The following TMOD2 variants were observed in gnomAD, a reference collection of about 807,000 sequenced individuals.
The protein encoded by TMOD2 is tropomodulin-2.
A neutral mutation model predicts 39.9 loss-of-function variants in TMOD2; 22 were observed. That is an observed-to-expected ratio of 0.55 (90% CI 0.39 to 0.79). The LOEUF (loss-of-function observed/expected upper bound fraction) is 0.79, where lower values mean the gene tolerates loss of function less well. Among genes scored for constraint, TMOD2 ranks in the 30% least tolerant of loss-of-function variants. The probability of loss-of-function intolerance (pLI) is 0.00; values close to 1 mark genes in which losing one functional copy is unlikely to be tolerated. For synonymous variants in TMOD2, 123 were observed against 146.1 expected, an observed-to-expected ratio of 0.84 and a Z score of 1.14; for missense variants, 386 against 413.3, an observed-to-expected ratio of 0.93 and a Z score of 0.57.
rs79020249 is a variant in TMOD2 at position 51,764,343 on chromosome 15, A to G, written c.-69-2030A>G. Among the ~76,000 whole-genome samples the G allele has an allele frequency of 9.5e-3, 1,454 of 152,280 alleles. 21 individuals carry two copies. Among genetic ancestry groups the G allele is most frequent in the African/African-American group, 0.034 (1,401 of 41,532 alleles). ...AAATTAATAAATAAGAAGCTGAGCT[A>G]ATGGAAAAGAGCGTTGCATTGCATG... On this transcript the variant is annotated intron_variant, in intron 1 of 9. Transcript: ENST00000249700.
At chr15:51,788,008 C>T (rs758721786) in intron 7 of TMOD2, among the ~76,000 whole-genome samples, 27 of 152,126 alleles carry the variant, frequency 1.8e-4, no homozygotes, top group Non-Finnish European at 3.2e-4. Context: ...ATGAGTTTGA[C>T]GAGTTGACAG....
intron 5 of TMOD2, among the ~76,000 whole-genome samples, chr15:51,777,424 GA>G (rs2055897060): frequency 6.6e-6 from 1 of 152,028 alleles, no homozygotes; most frequent in East Asian, 1.9e-4. Context: ...TTCTCTATTT[GA>G]GTGTCTTTTT....
chr15:51,801,281 A>ACC, intron 8 of TMOD2, among the ~76,000 whole-genome samples: 1 of 136,008 alleles, frequency 7.4e-6, no homozygotes, highest in East Asian at 2.1e-4. Context: ...ACACACACAC[A>ACC]CACCCTGTCT....
chr15:51,764,438 A>G (rs2141615861), intron 1 of TMOD2, among the ~76,000 whole-genome samples: 1 of 152,336 alleles, frequency 6.6e-6, no homozygotes, highest in African/African-American at 2.4e-5. Flanking sequence ...AAGGAAAGGG[A>G]ACACTATTCC....
intron 7 of TMOD2, among the ~76,000 whole-genome samples, chr15:51,796,075 A>G (rs2056049670): frequency 7.7e-6 from 1 of 130,068 alleles, no homozygotes; most frequent in African/African-American, 2.9e-5. Context: ...ATGTCTGGCA[A>G]TTATTGGTTC....
intron 1 of TMOD2, among the ~76,000 whole-genome samples, chr15:51,765,564 A>T (rs12917133): frequency 6.6e-6 from 1 of 151,954 alleles, no homozygotes; most frequent in South Asian, 2.1e-4. Context: ...TTCCTGAATG[A>T]GTATTATCTT....
chr15:51,806,819 C>G (rs1328915470), intron 9 of TMOD2, among the ~76,000 whole-genome samples: 1 of 152,176 alleles, frequency 6.6e-6, no homozygotes, highest in Non-Finnish European at 1.5e-5. Flanking sequence ...TAATCTCCTT[C>G]TGTTTTTATC....
chr15:51,781,464 A>G lies in TMOD2; in HGVS notation c.624+290A>G, dbSNP rs548580066. On this transcript the variant is annotated intron_variant, in intron 6 of 9. Transcript: ENST00000249700. ...TCAAACAACAGACATTTATTATTTC[A>G]CACACAATTTTTCAGTGTCAGGAAT... Among the ~76,000 whole-genome samples the G allele has an allele frequency of 1.1e-4, 16 of 152,342 alleles. 1 individual carries two copies. In the East Asian group the frequency reaches 3.1e-3, roughly 29 times the overall value.
At chr15:51,790,326 TAGACCAATAAC>T in intron 7 of TMOD2, among the ~76,000 whole-genome samples, 2 of 152,300 alleles carry the variant, frequency 1.3e-5, no homozygotes, top group South Asian at 4.1e-4. Context: ...AATCTCTGAA[TAGACCAATAAC>T]AGGTCCTGAA....
In TMOD2 at chr15:51,780,016, T is replaced by C. The variant is rs149665547; in HGVS notation, c.494-1028T>C. On this transcript the variant is annotated intron_variant, in intron 5 of 9. Transcript: ENST00000249700. ...ATTCTTTTAACGAATAGACAATAAG[T>C]TGTTACGTGATGATGCTATACTTTA... Among the ~76,000 whole-genome samples the C allele has an allele frequency of 2.0e-5, 3 of 152,314 alleles. No homozygotes were observed. The East Asian group carries it at 5.8e-4, about 29-fold the overall frequency.
intron 7 of TMOD2, chr15:51,784,799 T>A (rs1479007151): frequency 6.6e-6 from 1 of 152,246 alleles, no homozygotes; most frequent in Non-Finnish European, 1.5e-5. Flanking sequence ...ATACTTTGTA[T>A]GTAAATGAAT....
chr15:51,752,073 C>A (rs2055708638), intron 1 of TMOD2, among the ~76,000 whole-genome samples: 1 of 151,984 alleles, frequency 6.6e-6, no homozygotes, highest in Admixed American at 6.5e-5. Flanking sequence ...GGCTTTGTTC[C>A]CCCACTTTTC....
At chr15:51,803,230 G>T (rs531712986) in intron 8 of TMOD2, among the ~76,000 whole-genome samples, 29 of 148,032 alleles carry the variant, frequency 2.0e-4, no homozygotes, top group Admixed American at 4.8e-4. Flanking sequence ...ACCCAGGCTG[G>T]AGTGCAGTGG....
Position 51,803,449 on chromosome 15 carries a change from G to A in TMOD2, c.877-2928G>A, listed in dbSNP as rs112101831. On this transcript the variant is annotated intron_variant, in intron 8 of 9. Transcript: ENST00000249700. ...GCCTGCCTCTGCCTCCCAAAGTGCT[G>A]GGATTATAGGTGTGAGCCACCATGC... 1.4e-3 allele frequency among the ~76,000 whole-genome samples: 217 copies of A among 152,138 alleles called. 1 individual carries two copies. The highest frequency in any genetic ancestry group is 5.0e-3 in the African/African-American group (208 of 41,524).
chr15:51,753,711 AT>A (rs2055722949), intron 1 of TMOD2, among the ~76,000 whole-genome samples: 1 of 151,422 alleles, frequency 6.6e-6, no homozygotes, highest in African/African-American at 2.4e-5. Flanking sequence ...GGAGATGTGG[AT>A]ATTGGAGGTG....
At position 51,775,382 on chromosome 15, in the gene TMOD2, C is replaced by G. The variant is rs548752789; in HGVS notation, c.406+1548C>G. 2.6e-5 allele frequency among the ~76,000 whole-genome samples: 4 copies of G among 152,076 alleles called. No homozygotes were observed. In the South Asian group the frequency reaches 6.2e-4, roughly 24 times the overall value. On this transcript the variant is annotated intron_variant, in intron 4 of 9. Coordinates refer to ENST00000249700, the MANE Select transcript of TMOD2 (RefSeq NM_014548.4). ...AAGTGGTGGGAACTGATCCATTAGC[C>G]CATTTCACAGATAACAGATAAAAAT...
rs1029315862 is a variant in TMOD2, at chr15:51,761,967, G to A, written c.-69-4406G>A. On this transcript the variant is annotated intron_variant, in intron 1 of 9. Transcript: ENST00000249700. ...TCGAGACCATCCTGGCTAACACTGT[G>A]AAACCCTGTCTCTACTAAAAATACA... Among the ~76,000 whole-genome samples, 8 of 151,898 alleles carry A rather than the reference G, an allele frequency of 5.3e-5. No homozygotes were observed. In the East Asian group the frequency reaches 1.5e-3, roughly 29 times the overall value.
At chr15:51,784,422 C>T (rs1196341688) in intron 7 of TMOD2, 1 of 152,186 alleles carries the variant, frequency 6.6e-6, no homozygotes, top group Non-Finnish European at 1.5e-5. Flanking sequence ...GTAATGACTA[C>T]CTATCATGGT....
At chr15:51,768,515 ATTG>A (rs1239482946) in intron 3 of TMOD2, 97 bp downstream of exon 3, 1 of 1,226,138 alleles carries the variant, frequency 8.2e-7, no homozygotes, top group Non-Finnish European at 1.1e-6. Flanking sequence ...TTTTTATTTT[ATTG>A]TCGTGGAGGA....
Sources: gnomAD v4.1 joint callset for allele counts (sites outside exome capture counted in the v4.1 genomes callset) on GRCh38, gnomAD v4.1.1 for gene constraint, MANE v1.5 for transcripts, NCBI Gene and HGNC (gene_info 2026-07-23, HGNC 2026-07-21) for gene names.